PDE8A: variants seen among roughly 807,000 people sequenced by gnomAD.
PDE8A encodes high affinity cAMP-specific and IBMX-insensitive 3',5'-cyclic phosphodiesterase 8A.
Under a neutral mutation model 105.0 loss-of-function variants are expected in PDE8A, and 59 were observed. The ratio of observed to expected loss-of-function variants is 0.56; its 90% confidence interval spans 0.46 to 0.70. PDE8A has a LOEUF of 0.70. Ranked by LOEUF, PDE8A falls within the 30% of genes least tolerant of loss-of-function variation. The pLI, the probability that PDE8A is intolerant of heterozygous loss-of-function variation, is 0.00. For synonymous variants in PDE8A, 355 were observed against 371.9 expected, an observed-to-expected ratio of 0.95 and a Z score of 0.52; for missense variants, 1,014 against 1,045.9, an observed-to-expected ratio of 0.97 and a Z score of 0.42.
At chr15:85,087,058 T>A (rs79732000) in intron 6 of PDE8A, among the ~76,000 whole-genome samples, 4 of 143,372 alleles carry the variant, frequency 2.8e-5, no homozygotes, top group Admixed American at 7.0e-5. Context: ...TTTTTTTTTT[T>A]AATAACAACT....
chr15:85,114,840 G>A (rs1419425830), intron 14 of PDE8A, among the ~76,000 whole-genome samples: 4 of 152,078 alleles, frequency 2.6e-5, no homozygotes, highest in African/African-American at 4.8e-5. Context: ...ATGAGGGATG[G>A]GGGTAGGATA....
chr15:85,042,158 G>A (rs925012139), intron 1 of PDE8A, among the ~76,000 whole-genome samples: 1 of 151,894 alleles, frequency 6.6e-6, no homozygotes, highest in African/African-American at 2.4e-5. Flanking sequence ...AGAAGACTCA[G>A]AGGTTTGTTT....
In PDE8A at chr15:85,116,088, A is replaced by G. The variant is rs763908208; in HGVS notation, c.1504A>G (p.Ile502Val). 1 of 1,613,990 alleles carries G rather than the reference A, an allele frequency of 6.2e-7. No individual in the cohort carries two copies. Among genetic ancestry groups the G allele is most frequent in the East Asian group, 2.2e-5 (1 of 44,886 alleles). The change falls in exon 16 of 22, where the codon ATT becomes GTT. Residue 502 changes from isoleucine (I) to valine (V), a missense_variant. Ile to Val is a conservative substitution (Grantham distance 29, BLOSUM62 3). Transcript: ENST00000394553. Reference sequence around the variant, plus strand: ...AAATGAGGAATACTGGGACTTTGATATTTTTGAACTGGAGGCTGCCACCCA... The same window carrying G: ...AAATGAGGAATACTGGGACTTTGATGTTTTTGAACTGGAGGCTGCCACCCA... ...MENEEYWDFD[I>V]FELEAATHNR...
intron 6 of PDE8A, among the ~76,000 whole-genome samples, chr15:85,086,732 T>G (rs138432491): frequency 6.6e-6 from 1 of 151,860 alleles, no homozygotes. Context: ...CTTCTTACTG[T>G]TTTTTGCTTT....
chr15:84,999,866 G>A (rs11629967), intron 1 of PDE8A, among the ~76,000 whole-genome samples: 32 of 151,926 alleles, frequency 2.1e-4, no homozygotes, highest in African/African-American at 4.4e-4. Flanking sequence ...GAGCTACTGC[G>A]CCCGGCTGGC....
intron 4 of PDE8A, 84 bp downstream of exon 4, chr15:85,076,002 G>A (rs2081375210): frequency 2.7e-6 from 2 of 731,732 alleles, no homozygotes; most frequent in Admixed American, 4.6e-5. Context: ...CAGCTTGCAT[G>A]CTGTGTCAGG....
At chr15:85,023,809 G>A (rs1010352309) in intron 1 of PDE8A, among the ~76,000 whole-genome samples, 1 of 152,072 alleles carries the variant, frequency 6.6e-6, no homozygotes, top group African/African-American at 2.4e-5. Flanking sequence ...GGTGGAGGGG[G>A]GATGACAGTG....
chr15:85,126,022 C>T (rs532519148), intron 19 of PDE8A, among the ~76,000 whole-genome samples, 185 bp from the exon 20 acceptor site: 118 of 152,206 alleles, frequency 7.8e-4, no homozygotes, highest in African/African-American at 2.6e-3. Context: ...CACTGAGCCT[C>T]GGTTTTCTCC....
Position 85,089,336 on chromosome 15 carries a change from A to G in PDE8A, c.636-2A>G. The stretch of plus-strand genomic sequence containing the variant: ...CATTCCTTTTTTTGTTTACTCATAA[A>G]GGGCTTGTAACTCAGTATTCACTGC... On this transcript the variant is annotated splice_acceptor_variant, in intron 6 of 21. Transcript: ENST00000394553. LOFTEE classifies it high-confidence loss of function. 2 of 1,519,486 alleles carry G rather than the reference A, an allele frequency of 1.3e-6. No homozygotes were observed. The highest frequency in any genetic ancestry group is 1.4e-5 in the African/African-American group (1 of 72,912). 94.1% of individuals were successfully genotyped at this position (1,519,486 alleles called of 1,614,324 possible).
At chr15:85,000,118 G>A (rs2080044432) in intron 1 of PDE8A, among the ~76,000 whole-genome samples, 1 of 152,136 alleles carries the variant, frequency 6.6e-6, no homozygotes, top group African/African-American at 2.4e-5. Flanking sequence ...TTGTCTGTGA[G>A]CCACGGTTCC....
chr15:85,035,864 C>G lies in PDE8A; in HGVS notation c.187-28506C>G, dbSNP rs571492547. Among the ~76,000 whole-genome samples, 10 of 152,240 alleles carry G rather than the reference C, an allele frequency of 6.6e-5. 1 individual carries two copies. The South Asian group carries it at 1.9e-3, about 28-fold the overall frequency. On this transcript the variant is annotated intron_variant, in intron 1 of 21. Coordinates refer to ENST00000394553, the MANE Select transcript of PDE8A (RefSeq NM_002605.3). ...TTCTCCTTTGTTTCACCCTCAGAACCAAAGCTGCCTTCATTCCTTGGTTTC... is the reference window on the plus strand; with the variant it reads ...TTCTCCTTTGTTTCACCCTCAGAACGAAAGCTGCCTTCATTCCTTGGTTTC...
intron 1 of PDE8A, among the ~76,000 whole-genome samples, chr15:85,049,374 C>T (rs1212826620): frequency 6.6e-6 from 1 of 152,178 alleles, no homozygotes; most frequent in Non-Finnish European, 1.5e-5. Flanking sequence ...TTGTCCCTAG[C>T]AAACACATTC....
chr15:85,012,908 TCTTA>T, intron 1 of PDE8A, among the ~76,000 whole-genome samples: 1 of 152,174 alleles, frequency 6.6e-6, no homozygotes, highest in East Asian at 1.9e-4. Context: ...ATAATCACCC[TCTTA>T]CTTTGGAAAC....
At chr15:85,067,311 G>C in intron 3 of PDE8A, 107 bp downstream of exon 3, 5 of 739,410 alleles carry the variant, frequency 6.8e-6, no homozygotes, top group Non-Finnish European at 1.1e-5. Context: ...TGCTTTCCAT[G>C]CATGTGAAAT....
chr15:85,120,874 C>T lies in PDE8A; in HGVS notation c.1812C>T (p.Thr604=), dbSNP rs148569981. 1.4e-5 allele frequency: 23 copies of T among 1,614,016 alleles called. No homozygotes were observed. In the African/African-American group the frequency reaches 2.9e-4, roughly 21 times the overall value. ...ATGATGTGGATCACCCTGGGAGAAC[C>T]AACTCCTTCCTGTGTAATGCTGGAA... ...TIHDVDHPGR[T]NSFLCNAGSE... The change falls in exon 18 of 22, where the codon ACC becomes ACT. Residue 604 remains threonine (T), a synonymous_variant. Coordinates refer to ENST00000394553, the MANE Select transcript of PDE8A (RefSeq NM_002605.3).
At chr15:84,998,367 C>G (rs894408735) in intron 1 of PDE8A, among the ~76,000 whole-genome samples, 1 of 152,228 alleles carries the variant, frequency 6.6e-6, no homozygotes, top group African/African-American at 2.4e-5. Context: ...GCCTCAGACT[C>G]TGCATGCTCT....
intron 3 of PDE8A, among the ~76,000 whole-genome samples, chr15:85,071,868 AAG>A (rs1397417481): frequency 2.6e-5 from 4 of 152,338 alleles, no homozygotes; most frequent in Admixed American, 2.0e-4. Context: ...CCTGAAGACT[AAG>A]AAAATTATTT....
At position 85,120,940 on chromosome 15, in the gene PDE8A, G is replaced by A. The variant is rs1172379390; in HGVS notation, c.1878G>A (p.Glu626=). 3.1e-6 allele frequency: 5 copies of A among 1,614,146 alleles called. No homozygotes were observed. The highest frequency in any genetic ancestry group is 4.2e-6 in the Non-Finnish European group (5 of 1,180,000). Residue 626 remains glutamate (E), a synonymous_variant, in exon 18 of 22, where the codon GAG becomes GAA. Transcript: ENST00000394553. ...TGTACAATGACACTGCTGTGCTGGA[G>A]AGCCACCATGCGGCCTTGGCCTTCC... ...AILYNDTAVL[E]SHHAALAFQL...
At chr15:85,057,587 A>G (rs890036068) in intron 1 of PDE8A, among the ~76,000 whole-genome samples, 1 of 152,160 alleles carries the variant, frequency 6.6e-6, no homozygotes, top group Admixed American at 6.5e-5. Flanking sequence ...TCAGTTGGAA[A>G]TGCAGAAATC....
Sources: gnomAD v4.1 joint callset for allele counts (sites outside exome capture counted in the v4.1 genomes callset) on GRCh38, gnomAD v4.1.1 for gene constraint, MANE v1.5 for transcripts, NCBI Gene and HGNC (gene_info 2026-07-23, HGNC 2026-07-21) for gene names.